Variants in MICALL2 observed in about 807,000 individuals in gnomAD.
MICALL2 encodes the protein MICAL like 2, also known as MICAL-like protein 2.
A neutral mutation model predicts 91.1 loss-of-function variants in MICALL2; 111 were observed. The ratio of observed to expected loss-of-function variants is 1.22; its 90% CI spans 1.04 to 1.43. The LOEUF is 1.43. Among genes scored for constraint, MICALL2 ranks in the 40% most tolerant of loss-of-function variants. MICALL2 has a pLI of 0.00. For missense variants in MICALL2, 1,556 were observed against 1,236.0 expected (o/e 1.26, Z -3.88); for synonymous variants, 694 against 525.3 (o/e 1.32, Z -4.39).
rs1456320119 is a variant in MICALL2, at chr7:1,435,488, G to GGACAGGAGGACCT, written c.2592-342_2592-341insAGGTCCTCCTGTC. ...CCTGGGCCGACCACACCGGTGACCT[G>GGACAGGAGGACCT]GGACAGGAGGGCCTGGGCCGACCAC... On this transcript the variant is annotated intron_variant, in intron 15 of 16. Transcript: ENST00000297508. Among the ~76,000 whole-genome samples the GGACAGGAGGACCT allele has an allele frequency of 3.9e-3, 539 of 139,516 alleles. 2 individuals carry two copies. The highest frequency in any genetic ancestry group is 0.013 in the African/African-American group (416 of 32,446). 91.5% of individuals were successfully genotyped at this position (139,516 alleles called of 152,430 possible).
chr7:1,454,924 G>A (rs1005766279), intron 1 of MICALL2, among the ~76,000 whole-genome samples: 5 of 152,152 alleles, frequency 3.3e-5, no homozygotes, highest in Admixed American at 6.5e-5. Flanking sequence ...CCCTGAGCCC[G>A]CCTCCAGAGC....
At chr7:1,437,323 G>C in intron 14 of MICALL2, 1 of 500,814 alleles carries the variant, frequency 2.0e-6, no homozygotes, top group Non-Finnish European at 3.5e-6. Context: ...CTTTGCAGAG[G>C]ATGAAACCCA....
rs944093932 is a variant in MICALL2 at position 1,437,680 on chromosome 7, C to CG, written c.2403-73dup. 2.3e-5 allele frequency: 34 copies of CG among 1,473,022 alleles called. No individual in the cohort carries two copies. The African/African-American group carries it at 4.6e-4, about 20-fold the overall frequency. 91.2% of individuals were successfully genotyped at this position (1,473,022 alleles called of 1,614,324 possible). The stretch of plus-strand genomic sequence containing the variant: ...CCCGCCTGGCCCGCCCAGCCCGCAA[C>CG]GAGGTCCTGGACCTGCCACACAGAC... On this transcript the variant is annotated intron_variant, in intron 13 of 16. Transcript: ENST00000297508.
intron 1 of MICALL2, among the ~76,000 whole-genome samples, chr7:1,458,584 G>A (rs1781101246): frequency 6.6e-6 from 1 of 152,250 alleles, no homozygotes; most frequent in Non-Finnish European, 1.5e-5. Flanking sequence ...ACCCTCCTGG[G>A]GAGAGACAGC....
Position 1,445,030 on chromosome 7 carries a change from C to A in MICALL2, c.1040G>T (p.Gly347Val). 6.5e-7 allele frequency: 1 copy of A among 1,531,758 alleles called. No individual in the cohort carries two copies. Among genetic ancestry groups the A allele is most frequent in the South Asian group, 1.2e-5 (1 of 81,072 alleles). The allele number at this position is 1,531,758 out of a possible 1,614,324, so 94.9% of individuals were successfully genotyped here. The change falls in exon 6 of 17, where the codon GGC (glycine) becomes GTC (valine). Residue 347 changes from glycine (G) to valine (V), a missense_variant. Coordinates refer to ENST00000297508, the MANE Select transcript of MICALL2 (RefSeq NM_182924.4). ...RPRVTNSSPM[G>V]WSSAAPCTAA... ...TGTGCACGGGGCAGCTGACGACCAG[C>A]CCATCGGGGAGCTATTGGTCACACG...
chr7:1,439,861 C>A, intron 9 of MICALL2, 64 bp downstream of exon 9: 8 of 1,354,716 alleles, frequency 5.9e-6, no homozygotes, highest in East Asian at 3.1e-5. Flanking sequence ...AGTCCCGGGG[C>A]CCCCACCCAA....
At chr7:1,458,109 C>A (rs1781083102) in intron 1 of MICALL2, among the ~76,000 whole-genome samples, 1 of 152,252 alleles carries the variant, frequency 6.6e-6, no homozygotes. Context: ...AGAGCAGGGG[C>A]CGAGGCTGTT....
intron 15 of MICALL2, 40 bp from the exon 16 acceptor site, chr7:1,435,187 G>T: frequency 2.5e-6 from 4 of 1,608,266 alleles, no homozygotes; most frequent in Non-Finnish European, 3.4e-6. Context: ...CAATGGCAAT[G>T]GCAAGGTGCC....
At chr7:1,439,024 G>A (rs202027680) in intron 9 of MICALL2, 29 bp from the exon 10 acceptor site, 218 of 1,548,156 alleles carry the variant, frequency 1.4e-4, no homozygotes, top group Middle Eastern at 1.0e-3. Flanking sequence ...ACAGAGCCAC[G>A]CTTCAGAGCA....
At chr7:1,445,685 C>A (rs1350438078) in intron 5 of MICALL2, among the ~76,000 whole-genome samples, 1 of 152,236 alleles carries the variant, frequency 6.6e-6, no homozygotes, top group African/African-American at 2.4e-5. Context: ...CAAACCCCAC[C>A]AAAAACCTCG....
intron 3 of MICALL2, chr7:1,448,126 C>T (rs1293225882): frequency 8.1e-6 from 2 of 248,310 alleles, no homozygotes; most frequent in African/African-American, 4.5e-5. Context: ...CCGGGCCTGT[C>T]CCTCCCCTGC....
chr7:1,458,959 C>T (rs1304539660), intron 1 of MICALL2, among the ~76,000 whole-genome samples: 1 of 152,338 alleles, frequency 6.6e-6, no homozygotes, highest in East Asian at 1.9e-4. Context: ...TCACGTCTGA[C>T]TCAGCCGGCG....
chr7:1,453,450 C>T (rs895685945), intron 1 of MICALL2, among the ~76,000 whole-genome samples: 3 of 152,282 alleles, frequency 2.0e-5, no homozygotes, highest in Non-Finnish European at 4.4e-5. Flanking sequence ...GGGCCCAGCC[C>T]TGCTCACACC....
At chr7:1,457,245 T>C (rs901521183) in intron 1 of MICALL2, among the ~76,000 whole-genome samples, 8 of 152,172 alleles carry the variant, frequency 5.3e-5, no homozygotes, top group Admixed American at 4.6e-4. Flanking sequence ...CATGTGCTGG[T>C]ATCTACCGAG....
chr7:1,436,682 G>T, intron 15 of MICALL2, 60 bp downstream of exon 15: 1 of 1,320,602 alleles, frequency 7.6e-7, no homozygotes, highest in Non-Finnish European at 1.0e-6. Flanking sequence ...CCTGAGGGCC[G>T]GGAGCATGGA....
At chr7:1,443,594 C>T (rs1168225745) in intron 6 of MICALL2, among the ~76,000 whole-genome samples, 2 of 152,120 alleles carry the variant, frequency 1.3e-5, no homozygotes, top group Non-Finnish European at 2.9e-5. Context: ...TAGGGTGGAC[C>T]CTAGTCCAAC....
chr7:1,435,131 G>A lies in MICALL2; in HGVS notation c.2608C>T (p.Gln870Ter), dbSNP rs1779903521. The change falls in exon 16 of 17, where the codon CAG becomes TAG. Residue 870 changes from glutamine (Q) to a stop codon, truncating the protein, a stop_gained. Coordinates refer to ENST00000297508, the MANE Select transcript of MICALL2 (RefSeq NM_182924.4). LOFTEE classifies it high-confidence loss of function. ...TTCTCAATCATGTCCCGCAGCATCT[G>A]ATCCTCCTCTTGTTCCCTGAAACGG... is the stretch of plus-strand genomic sequence containing the variant. ...EDRLREQEED[Q>*]MLRDMIEKLG... 1 of 1,613,450 alleles carries A rather than the reference G, an allele frequency of 6.2e-7. No individual in the cohort carries two copies.
chr7:1,458,522 G>A (rs1054325065), intron 1 of MICALL2, among the ~76,000 whole-genome samples: 1 of 152,246 alleles, frequency 6.6e-6, no homozygotes, highest in South Asian at 2.1e-4. Context: ...GTCCAGGCTC[G>A]GGCCAAGATT....
intron 4 of MICALL2, among the ~76,000 whole-genome samples, chr7:1,447,287 C>A: frequency 6.6e-6 from 1 of 152,208 alleles, no homozygotes; most frequent in South Asian, 2.1e-4. Context: ...CATAGCCCAG[C>A]AACCCTTCTC....
Sources: gnomAD v4.1 joint callset for allele counts (sites outside exome capture counted in the v4.1 genomes callset) on GRCh38, gnomAD v4.1.1 for gene constraint, MANE v1.5 for transcripts, NCBI Gene and HGNC (gene_info 2026-07-23, HGNC 2026-07-21) for gene names.